AFAP1: variants seen among roughly 807,000 people sequenced by gnomAD.
AFAP1 encodes the protein actin filament associated protein 1, also known as actin filament-associated protein 1.
A neutral mutation model predicts 93.9 loss-of-function variants in AFAP1; 75 were observed. The ratio of observed to expected loss-of-function variants is 0.80; its 90% CI spans 0.66 to 0.97. The LOEUF (loss-of-function observed/expected upper bound fraction) is 0.97, where lower values mean the gene tolerates loss of function less well. AFAP1 is among the 50% of genes least tolerant of loss of function. AFAP1 has a pLI of 0.00. For missense variants in AFAP1, 1,201 were observed against 1,050.8 expected, an observed-to-expected ratio of 1.14 and a Z score of -1.98; for synonymous variants, 517 against 430.7, an observed-to-expected ratio of 1.20 and a Z score of -2.48.
At chr4:7,827,981 A>T (rs36020433) in intron 6 of AFAP1, among the ~76,000 whole-genome samples, 1 of 152,094 alleles carries the variant, frequency 6.6e-6, no homozygotes, top group Non-Finnish European at 1.5e-5. Context: ...AGGAAATGAA[A>T]GTGACTGAAC....
intron 16 of AFAP1, 186 bp downstream of exon 16, chr4:7,772,634 T>C (rs145023298): frequency 3.1e-5 from 18 of 588,182 alleles, no homozygotes; most frequent in Middle Eastern, 4.6e-4. Context: ...TGAGAAAGCA[T>C]GTCAGGAACA....
intron 1 of AFAP1, among the ~76,000 whole-genome samples, chr4:7,905,028 A>G (rs758168737): frequency 6.6e-6 from 1 of 152,174 alleles, no homozygotes; most frequent in Non-Finnish European, 1.5e-5. Context: ...GACTTATACA[A>G]AATCAGAGCA....
chr4:7,862,832 C>T (rs1715888470), intron 3 of AFAP1, among the ~76,000 whole-genome samples: 3 of 152,154 alleles, frequency 2.0e-5, no homozygotes, highest in South Asian at 2.1e-4. Flanking sequence ...GTCTAGCTTG[C>T]CCTTTTTTCT....
chr4:7,815,168 C>T (rs1269944116), intron 8 of AFAP1, among the ~76,000 whole-genome samples: 4 of 152,050 alleles, frequency 2.6e-5, no homozygotes, highest in Non-Finnish European at 5.9e-5. Context: ...AGGACACGGC[C>T]TGTAGGACTC....
At chr4:7,849,281 G>A (rs1255711400) in intron 4 of AFAP1, among the ~76,000 whole-genome samples, 2 of 152,132 alleles carry the variant, frequency 1.3e-5, no homozygotes, top group Non-Finnish European at 2.9e-5. Flanking sequence ...TAGGGCAGGA[G>A]CTGTGGCCCT....
intron 3 of AFAP1, among the ~76,000 whole-genome samples, chr4:7,855,847 C>G (rs572310158): frequency 1.3e-5 from 2 of 152,326 alleles, no homozygotes; most frequent in Admixed American, 6.5e-5. Context: ...ACTGGAGCAT[C>G]CACGACACAG....
chr4:7,857,236 T>C (rs1280288809), intron 3 of AFAP1, among the ~76,000 whole-genome samples: 1 of 152,120 alleles, frequency 6.6e-6, no homozygotes, highest in Non-Finnish European at 1.5e-5. Flanking sequence ...TATGGGGCTG[T>C]TGCGTTTTTT....
intron 1 of AFAP1, among the ~76,000 whole-genome samples, chr4:7,876,733 T>C (rs572614396): frequency 6.6e-6 from 1 of 152,342 alleles, no homozygotes; most frequent in Non-Finnish European, 1.5e-5. Flanking sequence ...CTAATAAATT[T>C]TCATTTCATT....
chr4:7,873,242 C>CAAAAAAAAAAAAAAA (rs1195209480), intron 1 of AFAP1, among the ~76,000 whole-genome samples: 5 of 64,126 alleles, frequency 7.8e-5, no homozygotes, highest in African/African-American at 3.3e-4. Flanking sequence ...GACTCTGTCT[C>CAAAAAAAAAAAAAAA]AAAAAAAAAA....
intron 5 of AFAP1, among the ~76,000 whole-genome samples, chr4:7,839,134 A>C (rs1712680368): frequency 1.3e-5 from 2 of 152,228 alleles, no homozygotes; most frequent in Admixed American, 1.3e-4. Context: ...CAGGAGTTCA[A>C]GACCAGCCTG....
intron 13 of AFAP1, 34 bp downstream of exon 13, chr4:7,781,342 T>C (rs1337352380): frequency 1.6e-5 from 24 of 1,545,224 alleles, no homozygotes; most frequent in Admixed American, 2.0e-5. Context: ...GACTTGAAGG[T>C]GGTTCTAGAA....
At chr4:7,875,808 CATT>C (rs1234153587) in intron 1 of AFAP1, among the ~76,000 whole-genome samples, 1 of 151,928 alleles carries the variant, frequency 6.6e-6, no homozygotes, top group African/African-American at 2.4e-5. Flanking sequence ...ACCTTGAAAA[CATT>C]ATGTTAAAAT....
Position 7,872,144 on chromosome 4 carries a change from C to G in AFAP1, c.-2-64G>C. On this transcript the variant is annotated intron_variant, in intron 1 of 17. Transcript: ENST00000420658. ...ATTTGCAAATGTCAAAGTATGAATA[C>G]TGAGTCTTACTCGAAGCATTTCATG... 2.5e-6 allele frequency: 4 copies of G among 1,578,922 alleles called. 1 individual carries two copies. Among genetic ancestry groups the G allele is most frequent in the Non-Finnish European group, 3.5e-6 (4 of 1,154,686 alleles).
At chr4:7,916,022 C>T (rs1359045148) in intron 1 of AFAP1, among the ~76,000 whole-genome samples, 1 of 152,162 alleles carries the variant, frequency 6.6e-6, no homozygotes, top group Non-Finnish European at 1.5e-5. Context: ...TCCTCACTTA[C>T]GCAATCACCA....
intron 1 of AFAP1, among the ~76,000 whole-genome samples, chr4:7,898,606 C>G (rs1223722499): frequency 6.7e-6 from 1 of 150,060 alleles, no homozygotes. Flanking sequence ...TTTGCAACTT[C>G]TCCATAAGTC....
intron 6 of AFAP1, among the ~76,000 whole-genome samples, chr4:7,831,175 G>C (rs1276689992): frequency 6.6e-6 from 1 of 152,112 alleles, no homozygotes; most frequent in Non-Finnish European, 1.5e-5. Flanking sequence ...CCCATCTCAA[G>C]TCTCTGCTGG....
intron 12 of AFAP1, among the ~76,000 whole-genome samples, chr4:7,785,082 T>G (rs1295415153): frequency 6.6e-6 from 1 of 152,062 alleles, no homozygotes; most frequent in African/African-American, 2.4e-5. Context: ...GGCATACTGG[T>G]TTCTCACAAG....
chr4:7,831,759 G>A (rs964817017), intron 6 of AFAP1, among the ~76,000 whole-genome samples: 1 of 152,208 alleles, frequency 6.6e-6, no homozygotes, highest in African/African-American at 2.4e-5. Flanking sequence ...TTCCACTGAG[G>A]AAGAGCTAAG....
intron 1 of AFAP1, among the ~76,000 whole-genome samples, chr4:7,875,361 A>C (rs1407644169): frequency 6.6e-6 from 1 of 152,146 alleles, no homozygotes; most frequent in Non-Finnish European, 1.5e-5. Flanking sequence ...CAGCTGGGCG[A>C]TTTTCCCTTC....
Sources: allele counts gnomAD v4.1 joint callset (sites outside exome capture counted in the v4.1 genomes callset), GRCh38; gene constraint gnomAD v4.1.1; transcripts MANE v1.5; gene names NCBI Gene and HGNC (gene_info 2026-07-23, HGNC 2026-07-21).